HERC3: variants seen among roughly 807,000 people sequenced by gnomAD.
HERC3 encodes probable E3 ubiquitin-protein ligase HERC3.
HERC3 carries 58 observed loss-of-function variants against 129.9 expected under a neutral mutation model. The ratio of observed to expected loss-of-function variants is 0.45; its 90% confidence interval spans 0.36 to 0.56. HERC3 has a LOEUF of 0.56. Ranked by LOEUF, HERC3 falls within the 20% of genes least tolerant of loss-of-function variation. The pLI is 0.00. For missense variants in HERC3, 835 were observed against 1,244.2 expected (o/e 0.67, Z 4.95); for synonymous variants, 430 against 451.0 (o/e 0.95, Z 0.59).
chr4:88,602,735 C>T (rs910239265), intron 2 of HERC3, among the ~76,000 whole-genome samples: 3 of 152,130 alleles, frequency 2.0e-5, no homozygotes, highest in Non-Finnish European at 4.4e-5. Context: ...TCACCTTGGC[C>T]TCCCAAAGTG....
chr4:88,649,222 G>A (rs1205911818), intron 3 of HERC3, among the ~76,000 whole-genome samples: 2 of 152,110 alleles, frequency 1.3e-5, no homozygotes, highest in Non-Finnish European at 2.9e-5. Flanking sequence ...CTCACATGGC[G>A]TGTGTGATTC....
chr4:88,651,823 G>A (rs1167938633), intron 4 of HERC3, among the ~76,000 whole-genome samples, 189 bp from the exon 5 acceptor site: 21 of 152,200 alleles, frequency 1.4e-4, no homozygotes, highest in African/African-American at 4.6e-4. Flanking sequence ...CCTGACCTCA[G>A]GTGATAAGCC....
At chr4:88,701,149 T>C (rs2149347207) in intron 23 of HERC3, among the ~76,000 whole-genome samples, 1 of 152,322 alleles carries the variant, frequency 6.6e-6, no homozygotes, top group South Asian at 2.1e-4. Context: ...ATTAGTTTAG[T>C]GTCATGGGTT....
In HERC3 at chr4:88,678,058, G is replaced by T. The variant is rs371967207; in HGVS notation, c.2120G>T (p.Arg707Leu). Residue 707 changes from arginine (R) to leucine (L), a missense_variant, in exon 19 of 26, where the codon CGC becomes CTC. By Grantham distance (102) the Arg-to-Leu change is moderately radical. Coordinates refer to ENST00000402738, the MANE Select transcript of HERC3 (RefSeq NM_014606.3). Reference sequence around the variant, plus strand: ...AGCCCCTTCCTGGTCCTTCACGTTCGCAGGAACAACCTTGTTGGAGATGCC... The same window carrying T: ...AGCCCCTTCCTGGTCCTTCACGTTCTCAGGAACAACCTTGTTGGAGATGCC... The part of the protein sequence containing the change: ...ARSPFLVLHV[R>L]RNNLVGDALR... 5 of 1,613,908 alleles carry T rather than the reference G, an allele frequency of 3.1e-6. No individual in the cohort carries two copies. The highest frequency in any genetic ancestry group is 1.1e-5 in the South Asian group (1 of 91,076).
chr4:88,622,440 G>C (rs1275777649), intron 3 of HERC3, among the ~76,000 whole-genome samples: 1 of 151,894 alleles, frequency 6.6e-6, no homozygotes, highest in Non-Finnish European at 1.5e-5. Flanking sequence ...ATGCTGCTGT[G>C]AACGTTTTTA....
intron 3 of HERC3, among the ~76,000 whole-genome samples, chr4:88,606,323 C>T (rs1260670263): frequency 6.7e-6 from 1 of 150,274 alleles, no homozygotes; most frequent in Admixed American, 6.7e-5. Context: ...GAGATCTTGG[C>T]TCACTGCAAC....
chr4:88,623,242 C>T (rs928350049), intron 3 of HERC3, among the ~76,000 whole-genome samples: 4 of 152,150 alleles, frequency 2.6e-5, no homozygotes, highest in Non-Finnish European at 4.4e-5. Flanking sequence ...GAAAAAGTTT[C>T]GCAAGGGATT....
chr4:88,596,801 A>C (rs910105674), intron 2 of HERC3, among the ~76,000 whole-genome samples: 2 of 152,146 alleles, frequency 1.3e-5, no homozygotes, highest in Non-Finnish European at 2.9e-5. Context: ...CTCTATTCCT[A>C]CTGCCTCCAC....
At chr4:88,668,182 C>T in intron 14 of HERC3, 101 bp downstream of exon 14, 1 of 944,466 alleles carries the variant, frequency 1.1e-6, no homozygotes, top group South Asian at 1.5e-5. Context: ...CTATTTGTTG[C>T]CATTTAATAT....
chr4:88,621,712 AG>A (rs1398332542), intron 3 of HERC3, among the ~76,000 whole-genome samples: 2 of 152,218 alleles, frequency 1.3e-5, no homozygotes, highest in Middle Eastern at 3.2e-3. Flanking sequence ...TTACTGCAGC[AG>A]GTTTGTCTGA....
At chr4:88,662,098 C>T (rs990774196) in intron 10 of HERC3, among the ~76,000 whole-genome samples, 2 of 152,140 alleles carry the variant, frequency 1.3e-5, no homozygotes, top group African/African-American at 4.8e-5. Flanking sequence ...TCAGTTATAA[C>T]AGAGGCCTCA....
intron 3 of HERC3, among the ~76,000 whole-genome samples, chr4:88,628,532 A>G (rs1006985132): frequency 5.3e-5 from 8 of 152,012 alleles, no homozygotes; most frequent in African/African-American, 1.9e-4. Flanking sequence ...ATATATTTTT[A>G]AGAGAAAAAT....
intron 3 of HERC3, among the ~76,000 whole-genome samples, chr4:88,631,962 G>A (rs1408566407): frequency 6.6e-6 from 1 of 152,148 alleles, no homozygotes; most frequent in Non-Finnish European, 1.5e-5. Flanking sequence ...CAGGCACATT[G>A]GGAAAGAAGA....
upstream of HERC3, among the ~76,000 whole-genome samples, chr4:88,591,594 A>AG (rs909582148): frequency 7.2e-5 from 11 of 152,164 alleles, no homozygotes; most frequent in Non-Finnish European, 1.5e-4. Flanking sequence ...TTTACATTTA[A>AG]GGGGGGCAGA....
Position 88,670,132 on chromosome 4 carries a change from T to TG in HERC3, c.1798-7_1798-6insG. The TG allele has an allele frequency of 6.2e-7, 1 of 1,608,874 alleles. No individual in the cohort carries two copies. Among genetic ancestry groups the TG allele is most frequent in the Non-Finnish European group, 8.5e-7 (1 of 1,175,468 alleles). On this transcript the variant is annotated splice_polypyrimidine_tract_variant and splice_region_variant and intron_variant, in intron 15 of 25. Transcript: ENST00000402738. ...GTTTCAGTTGTCTGTATTTTGTTCT[T>TG]CATTAGGTAAATCTTAAAGTGAAGC...
intron 23 of HERC3, chr4:88,690,323 A>G (rs1339898473): frequency 1.5e-5 from 15 of 985,132 alleles, no homozygotes; most frequent in Non-Finnish European, 1.8e-5. Flanking sequence ...ATCATAAAGC[A>G]GATTTGTTAG....
intron 18 of HERC3, among the ~76,000 whole-genome samples, chr4:88,676,930 A>G (rs1578295877): frequency 6.6e-6 from 1 of 152,184 alleles, no homozygotes; most frequent in East Asian, 1.9e-4. Flanking sequence ...ATCAGAGGTC[A>G]GGAGTTCAAG....
the HERC3 span, among the ~76,000 whole-genome samples, chr4:88,526,980 CAT>C: frequency 2.0e-3 from 297 of 152,156 alleles, no homozygotes; most frequent in South Asian, 3.7e-3. Context: ...GGTCAATAAA[CAT>C]ATTAAAAAAT....
At chr4:88,571,659 C>A in the HERC3 span, among the ~76,000 whole-genome samples, 1 of 152,138 alleles carries the variant, frequency 6.6e-6, no homozygotes, top group African/African-American at 2.4e-5. Flanking sequence ...CCTTTGACGT[C>A]CTTAGGCTTG....
Sources: allele counts gnomAD v4.1 joint callset (sites outside exome capture counted in the v4.1 genomes callset), GRCh38; gene constraint gnomAD v4.1.1; transcripts MANE v1.5; gene names NCBI Gene and HGNC (gene_info 2026-07-23, HGNC 2026-07-21).